Variants in NT5C1B observed in about 807,000 individuals in gnomAD.
The protein encoded by NT5C1B is 5'-nucleotidase, cytosolic IB.
NT5C1B carries 44 observed loss-of-function variants against 57.8 expected under a neutral mutation model. That is an observed-to-expected ratio of 0.76 (90% CI 0.60 to 0.98). The LOEUF (loss-of-function observed/expected upper bound fraction) is 0.98, where lower values mean the gene tolerates loss of function less well. NT5C1B is among the 50% of genes least tolerant of loss of function. NT5C1B has a pLI of 0.00. For missense variants in NT5C1B, 742 were observed against 719.5 expected (o/e 1.03, Z -0.36); for synonymous variants, 284 against 282.6 (o/e 1.00, Z -0.05).
At chr2:18,576,668 A>T in intron 7 of NT5C1B, 105 bp downstream of exon 7, 1 of 1,528,170 alleles carries the variant, frequency 6.5e-7, no homozygotes, top group Non-Finnish European at 8.7e-7. Context: ...CTTCAGAAGA[A>T]TATCCAACAA....
chr2:18,586,961 C>G (rs760096712), intron 2 of NT5C1B: 1 of 1,613,962 alleles, frequency 6.2e-7, no homozygotes, highest in South Asian at 1.1e-5. Context: ...TCTGTGGTTC[C>G]CCTCCAGAAT....
chr2:18,577,478 A>G (rs1173740318), intron 6 of NT5C1B, among the ~76,000 whole-genome samples: 1 of 151,638 alleles, frequency 6.6e-6, no homozygotes, highest in Non-Finnish European at 1.5e-5. Context: ...ATTACATGGA[A>G]AGTAAACAAC....
At chr2:18,578,255 C>T (rs945428791) in intron 6 of NT5C1B, among the ~76,000 whole-genome samples, 1 of 152,100 alleles carries the variant, frequency 6.6e-6, no homozygotes, top group East Asian at 1.9e-4. Flanking sequence ...AGAGACTCCT[C>T]CCTGACTCAT....
chr2:18,582,883 T>G (rs1253729803), exon 6 of NT5C1B: 8 of 1,613,940 alleles, frequency 5.0e-6, no homozygotes, highest in African/African-American at 1.3e-5. Context: ...TGATTGACGC[T>G]GTTTATAAGC....
intron 8 of NT5C1B, among the ~76,000 whole-genome samples, chr2:18,571,762 A>ATATG (rs1665207216): frequency 1.0e-5 from 1 of 96,556 alleles, no homozygotes; most frequent in South Asian, 3.0e-4. Context: ...ATATATATAT[A>ATATG]TATGTTAATT....
chr2:18,572,098 A>C (rs1276662906), intron 8 of NT5C1B, among the ~76,000 whole-genome samples: 1 of 151,310 alleles, frequency 6.6e-6, no homozygotes, highest in Non-Finnish European at 1.5e-5. Flanking sequence ...AAAAAAAAAA[A>C]AAAAAGAACT....
In NT5C1B at chr2:18,584,049, T is replaced by C; in HGVS notation, c.891+39A>G. On this transcript the variant is annotated intron_variant, in intron 5 of 8. Coordinates refer to ENST00000304081, the Ensembl canonical transcript of NT5C1B. This position sits in a 1 kb window ranked among gnomAD's most constrained non-coding sequence, Gnocchi z 5.8. ...GTTGGCCTGGGTCCCTCCCTCGCCA[T>C]CGAGTGTCCTGGCGGGCCAAAGACA... 1.2e-6 allele frequency: 2 copies of C among 1,614,118 alleles called. No individual in the cohort carries two copies. Among genetic ancestry groups the C allele is most frequent in the South Asian group, 2.2e-5 (2 of 91,086 alleles).
chr2:18,565,373 T>C (rs1664554389), intron 8 of NT5C1B, among the ~76,000 whole-genome samples: 1 of 152,202 alleles, frequency 6.6e-6, no homozygotes. Flanking sequence ...CTCAAAAACA[T>C]CTTATGGTAA....
Position 18,584,291 on chromosome 2 carries a change from T to C in NT5C1B, c.724-36A>G. On this transcript the variant is annotated intron_variant, in intron 4 of 8. Transcript: ENST00000304081. This position sits in a 1 kb window ranked among gnomAD's most constrained non-coding sequence, Gnocchi z 5.8. The stretch of plus-strand genomic sequence containing the variant: ...GGACGCCAAAGGGAGGATAGTCACA[T>C]AGCCACGAAGAGGACAGGGTTGGGG... 1 of 1,604,062 alleles carries C rather than the reference T, an allele frequency of 6.2e-7. No individual in the cohort carries two copies. Among genetic ancestry groups the C allele is most frequent in the East Asian group, 2.2e-5 (1 of 44,782 alleles).
At chr2:18,587,429 C>T in intron 2 of NT5C1B, 74 bp downstream of exon 2, 5 of 1,585,870 alleles carry the variant, frequency 3.2e-6, no homozygotes, top group Non-Finnish European at 3.4e-6. Context: ...TCCCAGAACT[C>T]CCTGCCCCCT....
chr2:18,581,369 A>G (rs2148151661), intron 6 of NT5C1B, among the ~76,000 whole-genome samples: 1 of 152,294 alleles, frequency 6.6e-6, no homozygotes, highest in Admixed American at 6.5e-5. Flanking sequence ...TAAAAGCAAA[A>G]CATGTTCAAC....
intron 6 of NT5C1B, among the ~76,000 whole-genome samples, chr2:18,577,442 A>C (rs1665794576): frequency 6.6e-6 from 1 of 150,966 alleles, no homozygotes; most frequent in Non-Finnish European, 1.5e-5. Flanking sequence ...AAAAAAAAAA[A>C]AAAGGCTCTA....
chr2:18,583,123 C>T (rs1666329340), intron 5 of NT5C1B, 126 bp from the exon 6 acceptor site: 9 of 1,280,674 alleles, frequency 7.0e-6, no homozygotes, highest in Non-Finnish European at 9.3e-6. Flanking sequence ...GAGATTCTGG[C>T]TCCTTTAAGG....
In NT5C1B at chr2:18,578,188, G is replaced by C. The variant is rs1665876105; in HGVS notation, c.1022-1293C>G. 2.6e-5 allele frequency among the ~76,000 whole-genome samples: 4 copies of C among 152,052 alleles called. No homozygotes were observed. The South Asian group carries it at 6.2e-4, about 24-fold the overall frequency. On this transcript the variant is annotated intron_variant, in intron 6 of 8. Transcript: ENST00000304081. ...ATGGATCCTCAGCCAAATTTTACCAGACATATAAGAAGAACTGGTATGAAT... is the reference window on the plus strand; with the variant it reads ...ATGGATCCTCAGCCAAATTTTACCACACATATAAGAAGAACTGGTATGAAT...
chr2:18,576,201 T>C (rs1665657046), exon 8 of NT5C1B: 2 of 1,612,126 alleles, frequency 1.2e-6, no homozygotes, highest in Non-Finnish European at 1.7e-6. Flanking sequence ...AGAGGCTTAC[T>C]TTCACATAAT....
chr2:18,569,134 T>G (rs1258053110), intron 8 of NT5C1B, among the ~76,000 whole-genome samples: 1 of 152,220 alleles, frequency 6.6e-6, no homozygotes, highest in Non-Finnish European at 1.5e-5. Flanking sequence ...TGTTGCAAGG[T>G]TCTTACAGTA....
At chr2:18,566,748 ATACTAGGGAAGCT>A (rs1156469918) in intron 8 of NT5C1B, among the ~76,000 whole-genome samples, 1 of 152,222 alleles carries the variant, frequency 6.6e-6, no homozygotes, top group Non-Finnish European at 1.5e-5. Flanking sequence ...AAATATAACA[ATACTAGGGAAGCT>A]TACAAAAAGC....
chr2:18,563,720 C>A (rs1664379199), exon 9 of NT5C1B: 1 of 1,377,030 alleles, frequency 7.3e-7, no homozygotes, highest in Non-Finnish European at 9.5e-7. Flanking sequence ...AAATACCTAT[C>A]TAATTATCCT....
At chr2:18,568,102 A>T (rs1181390235) in intron 8 of NT5C1B, among the ~76,000 whole-genome samples, 2 of 142,770 alleles carry the variant, frequency 1.4e-5, no homozygotes, top group Non-Finnish European at 2.9e-5. Context: ...ACACACACAC[A>T]CACACACACA....
Sources: allele counts gnomAD v4.1 joint callset (sites outside exome capture counted in the v4.1 genomes callset), GRCh38; gene constraint gnomAD v4.1.1; non-coding constraint Gnocchi (gnomAD v3.1); transcripts MANE v1.5; gene names NCBI Gene and HGNC (gene_info 2026-07-23, HGNC 2026-07-21).